The following SLC28A3 variants were observed in gnomAD, a reference collection of about 807,000 sequenced individuals.
The protein encoded by SLC28A3 is solute carrier family 28 member 3, also known as concentrative Na(+)-nucleoside cotransporter 3.
A neutral mutation model predicts 84.2 loss-of-function variants in SLC28A3; 68 were observed. That is an observed-to-expected ratio of 0.81 (90% CI 0.66 to 0.99). The LOEUF (loss-of-function observed/expected upper bound fraction) is 0.99. Among genes scored for constraint, SLC28A3 ranks in the 50% least tolerant of loss-of-function variants. The pLI is 0.00. For synonymous variants in SLC28A3, 267 were observed against 303.6 expected (o/e 0.88, Z 1.25); for missense variants, 712 against 841.5 (o/e 0.85, Z 1.90).
intron 1 of SLC28A3, among the ~76,000 whole-genome samples, chr9:84,315,796 G>T (rs1588605824): frequency 6.6e-6 from 1 of 152,264 alleles, no homozygotes; most frequent in Non-Finnish European, 1.5e-5. Context: ...GAGTCGTGGG[G>T]CTGTGATATG....
chr9:84,327,361 G>GAAAAA (rs11404370), intron 1 of SLC28A3, among the ~76,000 whole-genome samples: 2 of 127,664 alleles, frequency 1.6e-5, no homozygotes, highest in Non-Finnish European at 1.7e-5. Flanking sequence ...TCAGAACACC[G>GAAAAA]AAAAAAAAAA....
chr9:84,317,646 G>C (rs765097389), intron 1 of SLC28A3, among the ~76,000 whole-genome samples: 6 of 152,058 alleles, frequency 3.9e-5, no homozygotes, highest in Non-Finnish European at 5.9e-5. Context: ...CTTCACTATA[G>C]AATTTGCTCT....
intron 1 of SLC28A3, among the ~76,000 whole-genome samples, chr9:84,334,463 C>T (rs1050262047): frequency 2.0e-5 from 3 of 152,114 alleles, no homozygotes; most frequent in African/African-American, 7.2e-5. Context: ...TCAGTAGTCA[C>T]CCCTGGTTGG....
At chr9:84,292,798 A>G (rs778928017) in intron 9 of SLC28A3, 50 bp from the exon 10 acceptor site, 2 of 1,332,758 alleles carry the variant, frequency 1.5e-6, no homozygotes, top group Non-Finnish European at 2.0e-6. Flanking sequence ...TGTATACCCA[A>G]AACTTCAAAG....
At chr9:84,301,102 C>G (rs1433477842) in intron 5 of SLC28A3, among the ~76,000 whole-genome samples, 1 of 151,962 alleles carries the variant, frequency 6.6e-6, no homozygotes, top group Non-Finnish European at 1.5e-5. Context: ...ATAATCCCAG[C>G]ACTTTGGGAG....
Position 84,302,448 on chromosome 9 carries a change from G to T in SLC28A3, c.335-59C>A, listed in dbSNP as rs1001440487. The T allele has an allele frequency of 1.9e-6, 3 of 1,553,562 alleles. No homozygotes were observed. The Admixed American group carries it at 5.6e-5, about 29-fold the overall frequency. On this transcript the variant is annotated intron_variant, in intron 4 of 17. Coordinates refer to ENST00000376238, the MANE Select transcript of SLC28A3 (RefSeq NM_001199633.2). ...ACTAACCACTGGGACACGCCTCCAGGCTCCAGCCTTGTTCTGGCGCAGGTG... is the reference window on the plus strand; with the variant it reads ...ACTAACCACTGGGACACGCCTCCAGTCTCCAGCCTTGTTCTGGCGCAGGTG...
intron 1 of SLC28A3, among the ~76,000 whole-genome samples, chr9:84,318,504 G>A (rs1254869183): frequency 6.6e-6 from 1 of 152,178 alleles, no homozygotes. Context: ...TGCTGTACCC[G>A]AAGGAGAAAA....
At chr9:84,292,463 GTCTCTCTCTCTGTCTCTCTCTC>G (rs1402139798) in intron 10 of SLC28A3, 183 bp downstream of exon 10, 65 of 500,584 alleles carry the variant, frequency 1.3e-4, no homozygotes, top group Non-Finnish European at 2.1e-4. Context: ...CTGTCTCTCT[GTCTCTCTCTCTGTCTCTCTCTC>G]TCTCTCTCTC....
Position 84,290,261 on chromosome 9 carries a change from C to T in SLC28A3, c.1042G>A (p.Val348Ile). The T allele has an allele frequency of 5.0e-6, 8 of 1,613,926 alleles. No individual in the cohort carries two copies. Among genetic ancestry groups the T allele is most frequent in the Non-Finnish European group, 6.8e-6 (8 of 1,179,910 alleles). The change falls in exon 11 of 18, where the codon GTC becomes ATC. Residue 348 changes from valine to isoleucine, a missense_variant. Val to Ile is a conservative substitution (Grantham distance 29). Transcript: ENST00000376238. ...GTGATGTAAGGTAAATATGGTCGGACCAGCAGTGGAGACTCCGTCTGGAGA... is the reference window on the plus strand; with the variant it reads ...GTGATGTAAGGTAAATATGGTCGGATCAGCAGTGGAGACTCCGTCTGGAGA... Reference protein sequence around the residue: ...FVGQTESPLLVRPYLPYITKS... With the variant: ...FVGQTESPLLIRPYLPYITKS...
chr9:84,333,170 A>T (rs552159322), intron 1 of SLC28A3, among the ~76,000 whole-genome samples: 2 of 152,360 alleles, frequency 1.3e-5, no homozygotes, highest in East Asian at 3.9e-4. Context: ...TCTGCATTTT[A>T]CATAAGATAA....
intron 1 of SLC28A3, among the ~76,000 whole-genome samples, chr9:84,320,664 C>T (rs1372176760): frequency 6.6e-6 from 1 of 152,060 alleles, no homozygotes; most frequent in Non-Finnish European, 1.5e-5. Context: ...TGGGGGATTG[C>T]ATATGTGGTC....
At chr9:84,357,612 C>G in the SLC28A3 span, among the ~76,000 whole-genome samples, 1 of 152,126 alleles carries the variant, frequency 6.6e-6, no homozygotes, top group Non-Finnish European at 1.5e-5. Flanking sequence ...GGAGACTATG[C>G]TTAGCACCAT....
intron 16 of SLC28A3, 23 bp from the exon 17 acceptor site, chr9:84,279,408 T>C (rs375974049): frequency 5.0e-5 from 72 of 1,438,378 alleles, no homozygotes; most frequent in Non-Finnish European, 6.5e-5. Flanking sequence ...CAGAGTCCCA[T>C]TTATTTATTA....
At position 84,297,216 on chromosome 9, in the gene SLC28A3, T is replaced by G. The variant is rs757774253; in HGVS notation, c.861+5A>C. The G allele has an allele frequency of 6.2e-7, 1 of 1,611,144 alleles. No individual in the cohort carries two copies. Among genetic ancestry groups the G allele is most frequent in the South Asian group, 1.1e-5 (1 of 90,352 alleles). ...CGACTACATAGAAAAAAGGTTTGACTTTACCTTAAATGCAAAGAAGTGGTC... is the reference window on the plus strand; with the variant it reads ...CGACTACATAGAAAAAAGGTTTGACGTTACCTTAAATGCAAAGAAGTGGTC... On this transcript the variant is annotated splice_donor_5th_base_variant and intron_variant, in intron 8 of 17. Transcript: ENST00000376238.
intron 6 of SLC28A3, 54 bp downstream of exon 6, chr9:84,299,527 T>A: frequency 6.2e-7 from 1 of 1,603,850 alleles, no homozygotes; most frequent in Non-Finnish European, 8.5e-7. Flanking sequence ...TTTGAGCAAT[T>A]TACACATGGG....
Position 84,328,752 on chromosome 9 carries a change from C to T in SLC28A3, c.60+11822G>A, listed in dbSNP as rs140474533. The stretch of plus-strand genomic sequence containing the variant: ...TCAGCCTGGGTGACAGAGTGAGACT[C>T]TAAAAACAAAAAACAGAAAACAAAA... On this transcript the variant is annotated intron_variant, in intron 1 of 17. Transcript: ENST00000376238. 2.3e-3 allele frequency among the ~76,000 whole-genome samples: 346 copies of T among 151,560 alleles called. 1 individual carries two copies. The highest frequency in any genetic ancestry group is 6.8e-3 in the Middle Eastern group (2 of 294).
chr9:84,337,803 A>C (rs917521647), intron 1 of SLC28A3, among the ~76,000 whole-genome samples: 11 of 152,040 alleles, frequency 7.2e-5, no homozygotes, highest in African/African-American at 2.2e-4. Flanking sequence ...GAAAAAAAAA[A>C]CCCTAACATT....
chr9:84,356,753 C>T, the SLC28A3 span, among the ~76,000 whole-genome samples: 3 of 151,996 alleles, frequency 2.0e-5, no homozygotes, highest in African/African-American at 7.3e-5. Flanking sequence ...ATCACTTGAA[C>T]CCGGGAAGCA....
intron 15 of SLC28A3, 84 bp from the exon 16 acceptor site, chr9:84,280,157 G>C: frequency 7.6e-7 from 1 of 1,319,284 alleles, no homozygotes; most frequent in Non-Finnish European, 1.0e-6. Flanking sequence ...TTCTGAGGCT[G>C]GGCTCAGGTC....
Sources: gnomAD v4.1 joint callset for allele counts (sites outside exome capture counted in the v4.1 genomes callset) on GRCh38, gnomAD v4.1.1 for gene constraint, MANE v1.5 for transcripts, NCBI Gene and HGNC (gene_info 2026-07-23, HGNC 2026-07-21) for gene names.